Variants in ARHGAP42 observed in about 807,000 individuals in gnomAD.
The protein encoded by ARHGAP42 is Rho GTPase activating protein 42.
Under a neutral mutation model 125.0 loss-of-function variants are expected in ARHGAP42, and 63 were observed. That is an observed-to-expected ratio of 0.50 (90% confidence interval 0.41 to 0.62). ARHGAP42 has a LOEUF of 0.62. Among genes scored for constraint, ARHGAP42 ranks in the 20% least tolerant of loss-of-function variants. The probability of loss-of-function intolerance (pLI) is 0.00; values close to 1 mark genes in which losing one functional copy is unlikely to be tolerated. For synonymous variants in ARHGAP42, 339 were observed against 351.0 expected, an observed-to-expected ratio of 0.97 and a Z score of 0.38; for missense variants, 766 against 1,024.2, an observed-to-expected ratio of 0.75 and a Z score of 3.44.
intron 2 of ARHGAP42, among the ~76,000 whole-genome samples, chr11:100,784,418 G>A: frequency 6.6e-6 from 1 of 152,054 alleles, no homozygotes; most frequent in Non-Finnish European, 1.5e-5. Flanking sequence ...ACAGAAGCTG[G>A]GAAACTAATG....
At chr11:100,743,017 T>C (rs1045987010) in intron 1 of ARHGAP42, among the ~76,000 whole-genome samples, 4 of 152,144 alleles carry the variant, frequency 2.6e-5, no homozygotes, top group Admixed American at 2.6e-4. Context: ...TGATTTATAT[T>C]CATTCTGCTA....
chr11:100,729,256 A>G (rs757441812), intron 1 of ARHGAP42, among the ~76,000 whole-genome samples: 2 of 152,148 alleles, frequency 1.3e-5, no homozygotes, highest in Non-Finnish European at 2.9e-5. Context: ...TATGATAAAC[A>G]TACTGAGTAG....
chr11:100,911,439 A>G (rs575735000), intron 4 of ARHGAP42, among the ~76,000 whole-genome samples: 7 of 152,300 alleles, frequency 4.6e-5, no homozygotes, highest in Admixed American at 1.3e-4. Flanking sequence ...GAAGGGAATT[A>G]TGAATGGCAT....
intron 21 of ARHGAP42, among the ~76,000 whole-genome samples, chr11:100,977,776 T>A (rs903450862): frequency 6.6e-6 from 1 of 152,224 alleles, no homozygotes; most frequent in Admixed American, 6.5e-5. Context: ...GATGCTTTTC[T>A]ACCGTTTCCA....
chr11:100,865,471 A>C (rs1029059953), intron 4 of ARHGAP42, among the ~76,000 whole-genome samples: 2 of 152,210 alleles, frequency 1.3e-5, no homozygotes, highest in Non-Finnish European at 2.9e-5. Context: ...CTAATAATAA[A>C]TTATCCAAAA....
intron 1 of ARHGAP42, among the ~76,000 whole-genome samples, chr11:100,734,628 G>A (rs555506714): frequency 4.5e-4 from 68 of 152,256 alleles, no homozygotes; most frequent in African/African-American, 1.3e-3. Context: ...AGGATTTTTG[G>A]CATTTTTCTT....
chr11:100,965,408 A>C (rs181373878), intron 16 of ARHGAP42, among the ~76,000 whole-genome samples: 53 of 152,306 alleles, frequency 3.5e-4, no homozygotes, highest in Non-Finnish European at 6.2e-4. Flanking sequence ...GCTGTATCAA[A>C]GTATACAGTT....
chr11:100,908,225 T>C (rs940145513), intron 4 of ARHGAP42, among the ~76,000 whole-genome samples: 1 of 152,228 alleles, frequency 6.6e-6, no homozygotes, highest in African/African-American at 2.4e-5. Context: ...TTATTTCTAT[T>C]TATGATTAAG....
At chr11:100,888,567 G>A (rs531078) in intron 4 of ARHGAP42, among the ~76,000 whole-genome samples, 115,055 of 152,056 alleles carry the variant, frequency 0.76, 43,818 homozygotes, top group East Asian at 1. Context: ...ATTTTATGAC[G>A]TGTCAAACGA....
chr11:100,967,312 T>C (rs1198048360), intron 17 of ARHGAP42, among the ~76,000 whole-genome samples: 1 of 152,226 alleles, frequency 6.6e-6, no homozygotes. Context: ...TCTTTGATTC[T>C]CAACTAAATT....
At chr11:100,860,766 T>C (rs1011416101) in intron 4 of ARHGAP42, among the ~76,000 whole-genome samples, 2 of 152,156 alleles carry the variant, frequency 1.3e-5, no homozygotes, top group Admixed American at 6.6e-5. Flanking sequence ...TTTACACATA[T>C]TCCCCATAAG....
intron 1 of ARHGAP42, among the ~76,000 whole-genome samples, chr11:100,760,281 G>A (rs1862671825): frequency 6.6e-6 from 1 of 152,190 alleles, no homozygotes; most frequent in Admixed American, 6.5e-5. Context: ...GTTTAGATCG[G>A]TTTGTTTGGC....
At chr11:100,904,913 C>T (rs1421557957) in intron 4 of ARHGAP42, among the ~76,000 whole-genome samples, 2 of 152,170 alleles carry the variant, frequency 1.3e-5, no homozygotes, top group Admixed American at 6.5e-5. Flanking sequence ...ACTTTACAAC[C>T]ACTGTTAATT....
chr11:100,798,495 C>T (rs757879391), intron 3 of ARHGAP42, among the ~76,000 whole-genome samples: 7 of 152,096 alleles, frequency 4.6e-5, no homozygotes, highest in South Asian at 2.1e-4. Context: ...AAGGCTCAGA[C>T]GATTGTTAGC....
chr11:100,806,532 G>GA (rs1863993388), intron 3 of ARHGAP42, among the ~76,000 whole-genome samples: 1 of 151,972 alleles, frequency 6.6e-6, no homozygotes, highest in Non-Finnish European at 1.5e-5. Flanking sequence ...ACTTTAATTA[G>GA]AAACAAATTT....
At chr11:100,812,232 A>G (rs1864164114) in intron 3 of ARHGAP42, among the ~76,000 whole-genome samples, 1 of 152,272 alleles carries the variant, frequency 6.6e-6, no homozygotes, top group Non-Finnish European at 1.5e-5. Context: ...AAAACTTTAT[A>G]GCAAAGCGGA....
chr11:100,928,285 T>C (rs1247008076), intron 6 of ARHGAP42, among the ~76,000 whole-genome samples: 1 of 152,166 alleles, frequency 6.6e-6, no homozygotes, highest in East Asian at 1.9e-4. Context: ...TTGGGAAGTA[T>C]TTATTTTTAT....
At chr11:100,970,509 A>G (rs1294813006) in intron 17 of ARHGAP42, among the ~76,000 whole-genome samples, 1 of 152,080 alleles carries the variant, frequency 6.6e-6, no homozygotes, top group Non-Finnish European at 1.5e-5. Context: ...ACTAACTGCT[A>G]GTAGATTGCT....
chr11:100,705,992 T>C (rs1186612110), intron 1 of ARHGAP42, among the ~76,000 whole-genome samples: 1 of 149,264 alleles, frequency 6.7e-6, no homozygotes, highest in Non-Finnish European at 1.5e-5. Context: ...TTTTTTTTTT[T>C]TTTTTTGAGA....
Sources: gnomAD v4.1 joint callset for allele counts (sites outside exome capture counted in the v4.1 genomes callset) on GRCh38, gnomAD v4.1.1 for gene constraint, MANE v1.5 for transcripts, NCBI Gene and HGNC (gene_info 2026-07-23, HGNC 2026-07-21) for gene names.